CHODL: variants seen among roughly 807,000 people sequenced by gnomAD.
CHODL encodes the protein chondrolectin, also known as transmembrane protein MT75.
A neutral mutation model predicts 34.5 loss-of-function variants in CHODL; 29 were observed. The ratio of observed to expected loss-of-function variants is 0.84; its 90% CI spans 0.63 to 1.15. The LOEUF is 1.15. CHODL is among the 50% of genes most tolerant of loss of function. The probability of loss-of-function intolerance (pLI) is 0.00; values close to 1 mark genes in which losing one functional copy is unlikely to be tolerated. For synonymous variants in CHODL, 125 were observed against 116.1 expected, an observed-to-expected ratio of 1.08 and a Z score of -0.49; for missense variants, 332 against 332.5, an observed-to-expected ratio of 1.00 and a Z score of 0.01.
intron 1 of CHODL, among the ~76,000 whole-genome samples, chr21:18,004,562 G>A (rs2063942144): frequency 6.6e-6 from 1 of 152,176 alleles, no homozygotes; most frequent in East Asian, 1.9e-4. Flanking sequence ...GGTCAAATGA[G>A]GACAATTCAA....
At chr21:18,062,488 G>C (rs1024459390) in intron 2 of CHODL, among the ~76,000 whole-genome samples, 1 of 152,054 alleles carries the variant, frequency 6.6e-6, no homozygotes, top group South Asian at 2.1e-4. Context: ...AGACATTGAG[G>C]GGCGTGGTGG....
At chr21:18,207,266 T>C (rs1345977005) in intron 2 of CHODL, among the ~76,000 whole-genome samples, 1 of 152,230 alleles carries the variant, frequency 6.6e-6, no homozygotes, top group Non-Finnish European at 1.5e-5. Flanking sequence ...TGCCACATTT[T>C]CTTAATCCAG....
chr21:18,070,025 T>TCCC (rs762159927), intron 2 of CHODL, among the ~76,000 whole-genome samples: 1 of 29,090 alleles, frequency 3.4e-5, no homozygotes, highest in Non-Finnish European at 1.0e-4. Context: ...TTCCCTTCCC[T>TCCC]CCCCCCCCCC....
At chr21:18,217,815 T>G (rs1467994847) in intron 2 of CHODL, among the ~76,000 whole-genome samples, 1 of 152,202 alleles carries the variant, frequency 6.6e-6, no homozygotes. Flanking sequence ...AATACACCCA[T>G]TTAAAATGGG....
At chr21:18,190,619 G>A (rs2073499399) in intron 2 of CHODL, among the ~76,000 whole-genome samples, 2 of 152,204 alleles carry the variant, frequency 1.3e-5, no homozygotes, top group African/African-American at 2.4e-5. Flanking sequence ...TTATGTTGGT[G>A]AGAACCCACT....
chr21:18,077,670 A>G (rs1404090151), intron 2 of CHODL, among the ~76,000 whole-genome samples: 2 of 152,184 alleles, frequency 1.3e-5, no homozygotes, highest in Non-Finnish European at 2.9e-5. Flanking sequence ...TTGCAATGTG[A>G]GGACACATTG....
chr21:18,219,011 CT>C (rs1438739904), intron 2 of CHODL, among the ~76,000 whole-genome samples: 1 of 152,140 alleles, frequency 6.6e-6, no homozygotes, highest in African/African-American at 2.4e-5. Flanking sequence ...ACATTTTTGT[CT>C]TTTGAGCCCT....
At chr21:18,210,269 G>A (rs1179346161) in intron 2 of CHODL, among the ~76,000 whole-genome samples, 2 of 152,172 alleles carry the variant, frequency 1.3e-5, no homozygotes, top group African/African-American at 4.8e-5. Context: ...TGACAGAGCA[G>A]CACTGAGTTC....
At chr21:18,023,710 A>G (rs1316699286) in intron 1 of CHODL, among the ~76,000 whole-genome samples, 1 of 152,178 alleles carries the variant, frequency 6.6e-6, no homozygotes, top group African/African-American at 2.4e-5. Context: ...GGCAGGTTTT[A>G]TAGCAGTATT....
chr21:17,964,444 C>T (rs1359192204), intron 1 of CHODL, among the ~76,000 whole-genome samples: 1 of 152,150 alleles, frequency 6.6e-6, no homozygotes, highest in Non-Finnish European at 1.5e-5. Flanking sequence ...AATAGAGAAG[C>T]CAATTTAATT....
At chr21:17,966,925 G>A (rs543476971) in intron 1 of CHODL, among the ~76,000 whole-genome samples, 2 of 146,106 alleles carry the variant, frequency 1.4e-5, no homozygotes, top group East Asian at 4.0e-4. Flanking sequence ...TTGCTCTGTT[G>A]CCCAGGTTGG....
At chr21:18,108,836 GTTGT>G (rs199538853) in intron 2 of CHODL, among the ~76,000 whole-genome samples, 2,400 of 109,346 alleles carry the variant, frequency 0.022, 59 homozygotes, top group East Asian at 0.1. Flanking sequence ...TCTTTGCAAT[GTTGT>G]GTGTGTGTGT....
At chr21:18,245,982 T>A in intron 1 of CHODL, 1 of 1,510,058 alleles carries the variant, frequency 6.6e-7, no homozygotes, top group Non-Finnish European at 8.9e-7. Flanking sequence ...AGGTGCACAA[T>A]TAAGTCGGTC....
rs2074473197 is a variant in CHODL, at chr21:18,267,106, A to AGG, written c.*1069_*1070insGG. 2 of 152,258 alleles carry AGG rather than the reference A, an allele frequency of 1.3e-5. No homozygotes were observed. The highest frequency in any genetic ancestry group is 2.9e-5 in the Non-Finnish European group (2 of 68,060). 9.4% of individuals were successfully genotyped at this position (152,258 alleles called of 1,614,324 possible). ...TGAGACCAGGTGAATAGTCACTATC[A>AGG]GTGTGGAGACAAGCACAGCACACAG... On this transcript the variant is annotated 3_prime_UTR_variant, in exon 6 of 6. Coordinates refer to ENST00000299295, the MANE Select transcript of CHODL (RefSeq NM_024944.3).
intron 1 of CHODL, among the ~76,000 whole-genome samples, chr21:17,926,417 A>G (rs2063223571): frequency 6.7e-6 from 1 of 148,940 alleles, no homozygotes; most frequent in Non-Finnish European, 1.5e-5. Flanking sequence ...GTCCATTCTC[A>G]TACTTCTATG....
intron 2 of CHODL, among the ~76,000 whole-genome samples, chr21:18,192,266 T>C (rs1427999557): frequency 6.6e-6 from 1 of 152,234 alleles, no homozygotes; most frequent in Admixed American, 6.5e-5. Flanking sequence ...TCTGGATTTT[T>C]ATGAAGGGTA....
At position 17,938,699 on chromosome 21, in the gene CHODL, C is replaced by T. The variant is rs1021670742; in HGVS notation, c.-145+21299C>T. Among the ~76,000 whole-genome samples the T allele has an allele frequency of 7.2e-5, 11 of 152,024 alleles. 1 individual carries two copies. Among genetic ancestry groups the T allele is most frequent in the South Asian group, 2.1e-4 (1 of 4,824 alleles). ...TTCACGGTGTTAGCCAGGATGGTCT[C>T]GATCTCCTGACCTCGTGATCTACCT... On this transcript the variant is annotated intron_variant, in intron 1 of 6. Transcript: ENST00000400127.
intron 2 of CHODL, among the ~76,000 whole-genome samples, chr21:18,230,352 G>A (rs956617682): frequency 2.0e-5 from 3 of 152,024 alleles, no homozygotes; most frequent in South Asian, 2.1e-4. Context: ...TTTCAATGAA[G>A]CAATCATGCA....
At chr21:18,038,321 C>T (rs1426378629) in intron 2 of CHODL, among the ~76,000 whole-genome samples, 1 of 151,476 alleles carries the variant, frequency 6.6e-6, no homozygotes, top group Admixed American at 6.6e-5. Context: ...GTAAATCAAA[C>T]AAAAGTAGAC....
Sources: allele counts gnomAD v4.1 joint callset (sites outside exome capture counted in the v4.1 genomes callset), GRCh38; gene constraint gnomAD v4.1.1; transcripts MANE v1.5; gene names NCBI Gene and HGNC (gene_info 2026-07-23, HGNC 2026-07-21).